Variants in KSR2 observed in about 807,000 individuals in gnomAD.
KSR2 encodes kinase suppressor of ras 2.
A neutral mutation model predicts 107.8 loss-of-function variants in KSR2; 25 were observed. The observed-to-expected ratio is 0.23, with a 90% confidence interval of 0.17 to 0.32. The LOEUF is 0.32. KSR2 is among the 10% of genes least tolerant of loss of function. The pLI, the probability that KSR2 is intolerant of heterozygous loss-of-function variation, is 1.00. For synonymous variants in KSR2, 480 were observed against 507.0 expected, an observed-to-expected ratio of 0.95 and a Z score of 0.71; for missense variants, 887 against 1,268.9, an observed-to-expected ratio of 0.70 and a Z score of 4.57.
intron 11 of KSR2, 83 bp downstream of exon 11, chr12:117,531,583 T>G: frequency 8.3e-7 from 1 of 1,202,966 alleles, no homozygotes; most frequent in Non-Finnish European, 1.2e-6. Context: ...CCCCACAACA[T>G]CTGCCTCCAT....
chr12:117,601,559 G>A (rs1277489448), intron 5 of KSR2, among the ~76,000 whole-genome samples: 2 of 152,118 alleles, frequency 1.3e-5, no homozygotes, highest in Admixed American at 1.3e-4. Flanking sequence ...GGCAGAGACT[G>A]GAGTGAAGCA....
rs571856463 is a variant in KSR2, at chr12:117,676,952, A to G, written c.987-9294T>C. ...AAATAAGTCATAGTGTACAAATGCT[A>G]TGACTTGAATTCTCAAACACACAAA... On this transcript the variant is annotated intron_variant, in intron 4 of 19. Coordinates refer to ENST00000339824, the MANE Select transcript of KSR2 (RefSeq NM_173598.6). Among the ~76,000 whole-genome samples the G allele has an allele frequency of 5.9e-5, 9 of 152,318 alleles. 1 individual carries two copies. In the South Asian group the frequency reaches 1.5e-3, roughly 25 times the overall value.
At chr12:117,721,838 G>A (rs1887219476) in intron 4 of KSR2, among the ~76,000 whole-genome samples, 1 of 152,190 alleles carries the variant, frequency 6.6e-6, no homozygotes, top group Admixed American at 6.6e-5. Context: ...AGGTGGGGCA[G>A]TTCTTAGAAA....
intron 3 of KSR2, among the ~76,000 whole-genome samples, chr12:117,780,469 A>G (rs1399135240): frequency 6.6e-6 from 1 of 152,242 alleles, no homozygotes; most frequent in Non-Finnish European, 1.5e-5. Flanking sequence ...CAAAAGGACA[A>G]ATAGTGTATA....
chr12:117,645,390 C>T (rs1883570158), intron 5 of KSR2, among the ~76,000 whole-genome samples: 1 of 152,138 alleles, frequency 6.6e-6, no homozygotes, highest in South Asian at 2.1e-4. Context: ...AAAAGTTCTA[C>T]AAATGCAATC....
chr12:117,959,490 C>T (rs908039319), intron 1 of KSR2, among the ~76,000 whole-genome samples: 41 of 152,206 alleles, frequency 2.7e-4, no homozygotes, highest in African/African-American at 8.9e-4. Context: ...GTCAAAAGCA[C>T]AGTCATTGAG....
intron 5 of KSR2, among the ~76,000 whole-genome samples, chr12:117,607,676 G>GGAGAGGAGAGGAGAGGAGAT (rs1881358607): frequency 6.6e-6 from 1 of 151,554 alleles, no homozygotes; most frequent in African/African-American, 2.4e-5. Context: ...GGAGAGGAGA[G>GGAGAGGAGAGGAGAGGAGAT]GAGAGGAGAG....
chr12:117,525,430 T>C (rs1210531591), intron 13 of KSR2, among the ~76,000 whole-genome samples: 2 of 152,168 alleles, frequency 1.3e-5, no homozygotes, highest in African/African-American at 2.4e-5. Context: ...GAGATCATGA[T>C]CATCCACCTC....
At chr12:117,618,181 A>G (rs1259384165) in intron 5 of KSR2, among the ~76,000 whole-genome samples, 1 of 152,206 alleles carries the variant, frequency 6.6e-6, no homozygotes, top group Non-Finnish European at 1.5e-5. Context: ...AAAGAGGAAA[A>G]TAACACTAAT....
chr12:117,734,554 T>C (rs968497482), intron 4 of KSR2, among the ~76,000 whole-genome samples: 2 of 152,202 alleles, frequency 1.3e-5, no homozygotes, highest in Non-Finnish European at 2.9e-5. Flanking sequence ...TGCTTCCAAG[T>C]CAGCCCCATC....
intron 3 of KSR2, among the ~76,000 whole-genome samples, chr12:117,784,759 A>T (rs960616808): frequency 7.2e-5 from 11 of 152,166 alleles, no homozygotes; most frequent in African/African-American, 2.7e-4. Flanking sequence ...AGAACTGGAG[A>T]AAGAGGCCCC....
intron 5 of KSR2, among the ~76,000 whole-genome samples, chr12:117,595,478 C>T (rs1016044984): frequency 2.0e-5 from 3 of 148,666 alleles, no homozygotes; most frequent in African/African-American, 7.5e-5. Flanking sequence ...CATTCTCCTG[C>T]CTCAGCCTCC....
At chr12:117,612,402 C>CAAAA (rs11436103) in intron 5 of KSR2, among the ~76,000 whole-genome samples, 1 of 123,832 alleles carries the variant, frequency 8.1e-6, no homozygotes, top group African/African-American at 3.0e-5. Flanking sequence ...GTCTCCGTCT[C>CAAAA]AAAAACAAAA....
At chr12:117,901,648 T>A in intron 1 of KSR2, among the ~76,000 whole-genome samples, 1 of 152,066 alleles carries the variant, frequency 6.6e-6, no homozygotes, top group East Asian at 1.9e-4. Context: ...AGAAAAAAAA[T>A]TATGACAAAC....
At chr12:117,747,038 T>C (rs1278486980) in intron 4 of KSR2, among the ~76,000 whole-genome samples, 1 of 152,164 alleles carries the variant, frequency 6.6e-6, no homozygotes, top group Non-Finnish European at 1.5e-5. Context: ...TCCTCAAGGA[T>C]CTAGAACCAG....
At chr12:117,773,656 T>C (rs931923513) in intron 3 of KSR2, among the ~76,000 whole-genome samples, 1 of 152,160 alleles carries the variant, frequency 6.6e-6, no homozygotes, top group Non-Finnish European at 1.5e-5. Context: ...TCCTCAAAAC[T>C]CTCTAGCAAG....
chr12:117,874,700 C>T (rs1893772458), intron 1 of KSR2, among the ~76,000 whole-genome samples: 1 of 152,126 alleles, frequency 6.6e-6, no homozygotes, highest in African/African-American at 2.4e-5. Context: ...AGACCATCAA[C>T]GGTTGAGAAG....
intron 14 of KSR2, among the ~76,000 whole-genome samples, chr12:117,486,488 C>T (rs1393082633): frequency 1.3e-5 from 2 of 152,202 alleles, no homozygotes; most frequent in Non-Finnish European, 2.9e-5. Flanking sequence ...AGCACCGTGA[C>T]TGGCTCAGAG....
At chr12:117,764,777 C>T (rs529987612) in intron 3 of KSR2, among the ~76,000 whole-genome samples, 167 of 152,230 alleles carry the variant, frequency 1.1e-3, no homozygotes, top group African/African-American at 3.9e-3. Flanking sequence ...ACCTTGGGCA[C>T]TCATCTAACC....
Sources: gnomAD v4.1 joint callset for allele counts (sites outside exome capture counted in the v4.1 genomes callset) on GRCh38, gnomAD v4.1.1 for gene constraint, MANE v1.5 for transcripts, NCBI Gene and HGNC (gene_info 2026-07-23, HGNC 2026-07-21) for gene names.